RECK: variants seen among roughly 807,000 people sequenced by gnomAD.
RECK encodes the protein reversion-inducing cysteine-rich protein with Kazal motifs.
Under a neutral mutation model 115.1 loss-of-function variants are expected in RECK, and 69 were observed. That is an observed-to-expected ratio of 0.60 (90% CI 0.49 to 0.73). The LOEUF is 0.73. RECK is among the 30% of genes least tolerant of loss of function. The pLI is 0.00. For synonymous variants in RECK, 414 were observed against 419.7 expected (o/e 0.99, Z 0.17); for missense variants, 1,047 against 1,203.7 (o/e 0.87, Z 1.93).
At chr9:36,082,569 C>A (rs76526329) in intron 7 of RECK, among the ~76,000 whole-genome samples, 2 of 152,146 alleles carry the variant, frequency 1.3e-5, no homozygotes, top group African/African-American at 4.8e-5. Flanking sequence ...CTTTACAGAT[C>A]CCACATCTGC....
rs937659035 is a variant in RECK at position 36,081,850 on chromosome 9, T to A, written c.439+1212T>A. On this transcript the variant is annotated intron_variant, in intron 7 of 20. Transcript: ENST00000377966. Reference sequence around the variant, plus strand: ...TGTGTCTCAAAAAAAAAAAAAAAAATTTGTTCTTTGTGAAGAAAATGAACT... The same window carrying A: ...TGTGTCTCAAAAAAAAAAAAAAAAAATTGTTCTTTGTGAAGAAAATGAACT... Among the ~76,000 whole-genome samples the A allele has an allele frequency of 3.5e-3, 489 of 139,646 alleles. 1 individual carries two copies. The highest frequency in any genetic ancestry group is 0.012 in the African/African-American group (465 of 37,936). The allele number at this position is 139,646 out of a possible 152,430, so 91.6% of individuals were successfully genotyped here.
chr9:36,116,396 G>A (rs1339587493), intron 16 of RECK, among the ~76,000 whole-genome samples: 1 of 152,200 alleles, frequency 6.6e-6, no homozygotes. Context: ...CAAAGTGCTA[G>A]CATTACAGGC....
At chr9:36,047,886 C>T (rs1219451769) in intron 1 of RECK, among the ~76,000 whole-genome samples, 1 of 150,638 alleles carries the variant, frequency 6.6e-6, no homozygotes, top group Non-Finnish European at 1.5e-5. Context: ...GCAGTAACAT[C>T]CTAGACCCTG....
rs530813823 is a variant in RECK, at chr9:36,073,273, C to T, written c.406-7332C>T. Among the ~76,000 whole-genome samples, 36 of 149,436 alleles carry T rather than the reference C, an allele frequency of 2.4e-4. No individual in the cohort carries two copies. The East Asian group carries it at 5.5e-3, about 23-fold the overall frequency. On this transcript the variant is annotated intron_variant, in intron 6 of 20. Coordinates refer to ENST00000377966, the MANE Select transcript of RECK (RefSeq NM_021111.3). The stretch of plus-strand genomic sequence containing the variant: ...ACACACACACACACACACACACACA[C>T]ACACATCCATCCCAAAACAAAACTT...
intron 12 of RECK, among the ~76,000 whole-genome samples, chr9:36,104,654 C>T (rs966442167): frequency 6.6e-6 from 1 of 151,850 alleles, no homozygotes; most frequent in Non-Finnish European, 1.5e-5. Flanking sequence ...GGATTACAGG[C>T]ACCTGCCACC....
Position 36,036,929 on chromosome 9 carries a change from T to TAGCGGCGGC in RECK, c.-63_-55dup, listed in dbSNP as rs1491348566. On this transcript the variant is annotated 5_prime_UTR_variant, in exon 1 of 21. Coordinates refer to ENST00000377966, the MANE Select transcript of RECK (RefSeq NM_021111.3). ...CGGGGCCTCGCGCGAGCGGCGGCGG[T>TAGCGGCGGC]AGCGGCGGCAGCGGCTGCGGCCAAG... The TAGCGGCGGC allele has an allele frequency of 1.9e-5, 20 of 1,035,984 alleles. No homozygotes were observed. Among genetic ancestry groups the TAGCGGCGGC allele is most frequent in the South Asian group, 5.7e-5 (2 of 34,894 alleles). 64.2% of individuals were successfully genotyped at this position (1,035,984 alleles called of 1,614,324 possible). A position where few individuals can be genotyped will look rare whatever the true frequency, so the allele number is the denominator to read the frequency against.
In RECK at chr9:36,083,496, A is replaced by G. The variant is rs1240178098; in HGVS notation, c.571A>G (p.Ser191Gly). ...AGTGGAAAATTATTGCGCCTCTATT[A>G]GTCCACAATTAATACATTGTGTGAA... ...KAVENYCASISPQLIHCVNNY... is the reference protein window; with the variant it reads ...KAVENYCASIGPQLIHCVNNY... Residue 191 changes from serine to glycine, a missense_variant, in exon 8 of 21, where the codon AGT becomes GGT. By Grantham distance (56) the Ser-to-Gly change is moderately conservative (BLOSUM62 0). Transcript: ENST00000377966. 1 of 1,614,078 alleles carries G rather than the reference A, an allele frequency of 6.2e-7. No homozygotes were observed. Among genetic ancestry groups the G allele is most frequent in the Admixed American group, 1.7e-5 (1 of 60,002 alleles).
In RECK at chr9:36,089,967, TACACACACACACACACACAC is replaced by T. The variant is rs55678229; in HGVS notation, c.906-1179_906-1160del. Among the ~76,000 whole-genome samples the T allele has an allele frequency of 2.1e-5, 3 of 143,798 alleles. No homozygotes were observed. In the Admixed American group the frequency reaches 2.1e-4, roughly 10 times the overall value. 94.3% of individuals were successfully genotyped at this position (143,798 alleles called of 152,430 possible). A position where few individuals can be genotyped will look rare whatever the true frequency, so the allele number is the denominator to read the frequency against. ...GGCAAAACCCCATCTCTACTAAAAA[TACACACACACACACACACAC>T]ACACACACACACACACAAATTAGCC... On this transcript the variant is annotated intron_variant, in intron 9 of 20. Transcript: ENST00000377966.
In RECK at chr9:36,059,703, T is replaced by C. The variant is rs117987855; in HGVS notation, c.235-416T>C. ...TCTAATACTTGGGCTGTCCTCAGTG[T>C]TTGGGATGCTCATGTGCCAGACCAA... On this transcript the variant is annotated intron_variant, in intron 3 of 20. Transcript: ENST00000377966. Among the ~76,000 whole-genome samples the C allele has an allele frequency of 4.7e-3, 722 of 152,310 alleles. 3 individuals carry two copies. The highest frequency in any genetic ancestry group is 7.7e-3 in the Non-Finnish European group (526 of 68,020).
intron 10 of RECK, among the ~76,000 whole-genome samples, chr9:36,097,039 A>G (rs558894395): frequency 1.3e-5 from 2 of 152,260 alleles, no homozygotes; most frequent in Admixed American, 1.3e-4. Context: ...ATTATGCAAA[A>G]AAGGCCAGGT....
At chr9:36,112,000 G>C (rs984142973) in intron 15 of RECK, among the ~76,000 whole-genome samples, 2 of 151,014 alleles carry the variant, frequency 1.3e-5, no homozygotes, top group African/African-American at 2.4e-5. Context: ...GCATGCGCCT[G>C]TAGTCCCAGC....
At chr9:36,122,512 C>G (rs756384740) in intron 20 of RECK, among the ~76,000 whole-genome samples, 25 of 151,948 alleles carry the variant, frequency 1.6e-4, no homozygotes, top group Non-Finnish European at 3.1e-4. Flanking sequence ...CTACATTGCC[C>G]AGGCTGGTCT....
rs144381566 is a variant in RECK at position 36,083,557 on chromosome 9, C to T, written c.632C>T (p.Thr211Met). ...CAATCTTATCCAATGAGGAACCCAA[C>T]GGATAGTAAGTAAAAGGGACATATT... ...YTQSYPMRNP[T>M]DSLYCCDRAE... Residue 211 changes from threonine to methionine, a missense_variant, in exon 8 of 21, where the codon ACG (threonine) becomes ATG (methionine). By Grantham distance (81) the Thr-to-Met change is moderately conservative. Transcript: ENST00000377966. 327 of 1,612,226 alleles carry T rather than the reference C, an allele frequency of 2.0e-4. No individual in the cohort carries two copies. Among genetic ancestry groups the T allele is most frequent in the Non-Finnish European group, 2.6e-4 (308 of 1,178,998 alleles).
In RECK at chr9:36,123,813, C is replaced by T. The variant is rs1004462083; in HGVS notation, c.*768C>T. 3 of 152,476 alleles carry T rather than the reference C, an allele frequency of 2.0e-5. No homozygotes were observed. Among genetic ancestry groups the T allele is most frequent in the African/African-American group, 7.2e-5 (3 of 41,446 alleles). The allele number at this position is 152,476 out of a possible 1,614,324, so 9.4% of individuals were successfully genotyped here. ...AGATATATATTCATCGGTATTCATC[C>T]AAGTTAAATGTAGAGTTTTTAAACA... On this transcript the variant is annotated 3_prime_UTR_variant, in exon 21 of 21. Transcript: ENST00000377966.
intron 9 of RECK, among the ~76,000 whole-genome samples, chr9:36,088,316 T>G (rs1207117290): frequency 1.3e-5 from 2 of 152,218 alleles, no homozygotes; most frequent in Non-Finnish European, 2.9e-5. Context: ...ATTCTCTTTA[T>G]TAAATTATGA....
intron 5 of RECK, among the ~76,000 whole-genome samples, chr9:36,064,891 T>A (rs1821925159): frequency 6.8e-6 from 1 of 147,422 alleles, no homozygotes; most frequent in Non-Finnish European, 1.5e-5. Flanking sequence ...AACTGACTCA[T>A]GTGGAAAAAC....
chr9:36,052,137 G>T (rs1821329508), intron 1 of RECK, 128 bp from the exon 2 acceptor site: 3 of 627,832 alleles, frequency 4.8e-6, no homozygotes, highest in Admixed American at 4.4e-5. Context: ...GTAAAGGTTT[G>T]TTGAGTTAAA....
chr9:36,072,526 A>G (rs1053616826), intron 6 of RECK, among the ~76,000 whole-genome samples: 4 of 152,202 alleles, frequency 2.6e-5, no homozygotes, highest in Non-Finnish European at 4.4e-5. Context: ...ATCGTGTGAT[A>G]CTTTGCCCCA....
At chr9:36,067,591 ATT>A (rs565138904) in intron 6 of RECK, among the ~76,000 whole-genome samples, 230 of 152,316 alleles carry the variant, frequency 1.5e-3, no homozygotes, top group Middle Eastern at 6.8e-3. Context: ...AATATAAAGC[ATT>A]GTTACATCAG....
Sources: gnomAD v4.1 joint callset for allele counts (sites outside exome capture counted in the v4.1 genomes callset) on GRCh38, gnomAD v4.1.1 for gene constraint, MANE v1.5 for transcripts, NCBI Gene and HGNC (gene_info 2026-07-23, HGNC 2026-07-21) for gene names.